Variants in CPNE4 observed in about 807,000 individuals in gnomAD.
CPNE4 encodes the protein copine-4.
Under a neutral mutation model 67.9 loss-of-function variants are expected in CPNE4, and 25 were observed. That is an observed-to-expected ratio of 0.37 (90% CI 0.27 to 0.51). The LOEUF (loss-of-function observed/expected upper bound fraction) is 0.51, where lower values mean the gene tolerates loss of function less well. CPNE4 is among the 20% of genes least tolerant of loss of function. The probability of loss-of-function intolerance (pLI) is 0.93; values close to 1 mark genes in which losing one functional copy is unlikely to be tolerated. For missense variants in CPNE4, 464 were observed against 690.8 expected (o/e 0.67, Z 3.68); for synonymous variants, 242 against 244.9 (o/e 0.99, Z 0.11).
chr3:131,843,997 G>C (rs538929893), intron 2 of CPNE4, among the ~76,000 whole-genome samples: 1 of 152,178 alleles, frequency 6.6e-6, no homozygotes, highest in Non-Finnish European at 1.5e-5. Flanking sequence ...GAAGATGTGG[G>C]AAGCATGGGG....
chr3:131,671,968 C>T (rs1243156014), intron 6 of CPNE4, among the ~76,000 whole-genome samples: 1 of 152,088 alleles, frequency 6.6e-6, no homozygotes, highest in Non-Finnish European at 1.5e-5. Context: ...TCCTCCCCTA[C>T]TACCCTTCGC....
chr3:131,825,506 A>AC (rs2085122525), intron 2 of CPNE4, among the ~76,000 whole-genome samples: 1 of 151,514 alleles, frequency 6.6e-6, no homozygotes, highest in Non-Finnish European at 1.5e-5. Flanking sequence ...AAAAAAAAAA[A>AC]AAACATTGGT....
chr3:132,014,279 T>C (rs1243139919), intron 1 of CPNE4, among the ~76,000 whole-genome samples: 1 of 152,050 alleles, frequency 6.6e-6, no homozygotes, highest in African/African-American at 2.4e-5. Flanking sequence ...TAAGGGGACA[T>C]GGGTAGAACA....
intron 7 of CPNE4, among the ~76,000 whole-genome samples, chr3:131,656,719 T>C (rs1582969653): frequency 1.3e-5 from 2 of 152,174 alleles, no homozygotes; most frequent in Non-Finnish European, 2.9e-5. Flanking sequence ...ACTATAAACA[T>C]GTAAACAAAT....
At chr3:131,834,015 G>T (rs369772708) in intron 2 of CPNE4, among the ~76,000 whole-genome samples, 22 of 152,270 alleles carry the variant, frequency 1.4e-4, no homozygotes, top group African/African-American at 5.1e-4. Context: ...AAAAAATTAA[G>T]CAGGAAAGCA....
In CPNE4 at chr3:131,782,066, G is replaced by C. The variant is rs73875013; in HGVS notation, c.181-58441C>G. Reference sequence around the variant, plus strand: ...AGAAAGTGCTTTGGAATGGTTACATGTATTTTAAAAATACCACTACTTTTA... The same window carrying C: ...AGAAAGTGCTTTGGAATGGTTACATCTATTTTAAAAATACCACTACTTTTA... On this transcript the variant is annotated intron_variant, in intron 2 of 15. Coordinates refer to ENST00000429747, the MANE Select transcript of CPNE4 (RefSeq NM_130808.3). Among the ~76,000 whole-genome samples the C allele has an allele frequency of 6.0e-3, 919 of 152,172 alleles. 8 individuals carry two copies. The highest frequency in any genetic ancestry group is 0.021 in the African/African-American group (888 of 41,530).
chr3:131,608,817 T>G (rs1456975053), intron 7 of CPNE4, among the ~76,000 whole-genome samples: 1 of 152,122 alleles, frequency 6.6e-6, no homozygotes, highest in Non-Finnish European at 1.5e-5. Context: ...TGTAGACCCC[T>G]GATGGTCTCT....
At chr3:131,542,963 T>C (rs529267498) in intron 14 of CPNE4, 170 bp from the exon 15 acceptor site, 35 of 589,976 alleles carry the variant, frequency 5.9e-5, no homozygotes, top group East Asian at 5.6e-4. Context: ...AGGGTTCTGA[T>C]GAATGGAGCT....
rs188834529 is a variant in CPNE4 at position 131,990,330 on chromosome 3, C to T, written c.-2+44237G>A. On this transcript the variant is annotated intron_variant, in intron 1 of 15. Transcript: ENST00000429747. ...TACTAAAAAATTATTGGTTCAAGGA[C>T]TGAGTTGAGTTTTGAGTTCTAGCCA... Among the ~76,000 whole-genome samples the T allele has an allele frequency of 2.0e-3, 273 of 136,460 alleles. 18 individuals are homozygous for T. The highest frequency in any genetic ancestry group is 6.4e-3 in the African/African-American group (260 of 40,818). The allele number at this position is 136,460 out of a possible 152,430, so 89.5% of individuals were successfully genotyped here. A position where few individuals can be genotyped will look rare whatever the true frequency, so the allele number is the denominator to read the frequency against.
In CPNE4 at chr3:131,905,160, TTTC is replaced by T; in HGVS notation, c.180+101_180+103del. 4 of 1,013,250 alleles carry T rather than the reference TTTC, an allele frequency of 3.9e-6. 1 individual carries two copies. In the South Asian group the frequency reaches 5.0e-5, roughly 13 times the overall value. 62.8% of individuals were successfully genotyped at this position (1,013,250 alleles called of 1,614,324 possible). A position where few individuals can be genotyped will look rare whatever the true frequency, so the allele number is the denominator to read the frequency against. ...AATGTGATCATATTCACTTCTCAAA[TTTC>T]TTATTTCATCAAAATAAACCACCTG... is the stretch of plus-strand genomic sequence containing the variant. On this transcript the variant is annotated intron_variant, in intron 2 of 15. Coordinates refer to ENST00000429747, the MANE Select transcript of CPNE4 (RefSeq NM_130808.3).
chr3:131,790,374 G>A (rs546809010), intron 2 of CPNE4, among the ~76,000 whole-genome samples: 16 of 152,228 alleles, frequency 1.1e-4, no homozygotes, highest in African/African-American at 2.2e-4. Context: ...CCCCAGGGGT[G>A]CTTCTTTGTT....
chr3:131,958,467 C>T (rs2072045889), intron 1 of CPNE4, among the ~76,000 whole-genome samples: 1 of 152,134 alleles, frequency 6.6e-6, no homozygotes, highest in Non-Finnish European at 1.5e-5. Context: ...AGCAAGCTCC[C>T]TAGGCGATTC....
At chr3:131,941,876 T>C (rs1253041699) in intron 1 of CPNE4, among the ~76,000 whole-genome samples, 1 of 152,094 alleles carries the variant, frequency 6.6e-6, no homozygotes, top group Non-Finnish European at 1.5e-5. Context: ...TAAAACCTAA[T>C]ACAGGTAAAA....
intron 14 of CPNE4, among the ~76,000 whole-genome samples, chr3:131,549,383 G>A (rs1347024506): frequency 6.6e-6 from 1 of 152,140 alleles, no homozygotes; most frequent in Non-Finnish European, 1.5e-5. Flanking sequence ...AATAAATACA[G>A]AAGTTATTGT....
intron 2 of CPNE4, among the ~76,000 whole-genome samples, chr3:131,889,214 G>A (rs922489408): frequency 6.6e-6 from 1 of 152,144 alleles, no homozygotes; most frequent in Admixed American, 6.5e-5. Flanking sequence ...TCAAATGCAG[G>A]CATAGGGAAG....
Position 131,723,481 on chromosome 3 carries a change from C to T in CPNE4, c.325G>A (p.Asp109Asn), listed in dbSNP as rs751052330. Residue 109 changes from aspartate (D) to asparagine (N), a missense_variant, in exon 3 of 16, where the codon GAC becomes AAC. Physicochemically the swap from Asp to Asn is conservative, Grantham distance 23. Transcript: ENST00000429747. The part of the protein sequence containing the change: ...SSNHNGLKEA[D>N]FLGGMECTLG... ...GTGCACTCCATGCCACCAAGGAAGT[C>T]GGCCTCCTTCAGCCCATTGTGGTTG... The T allele has an allele frequency of 2.9e-5, 46 of 1,613,362 alleles. No homozygotes were observed. Among genetic ancestry groups the T allele is most frequent in the Non-Finnish European group, 3.6e-5 (42 of 1,180,022 alleles).
Position 131,989,691 on chromosome 3 carries a change from A to G in CPNE4, c.-2+44876T>C, listed in dbSNP as rs1010648690. 1.3e-4 allele frequency among the ~76,000 whole-genome samples: 18 copies of G among 137,048 alleles called. 3 individuals are homozygous for G. The South Asian group carries it at 1.8e-3, about 13-fold the overall frequency. 89.9% of individuals were successfully genotyped at this position (137,048 alleles called of 152,430 possible). A position where few individuals can be genotyped will look rare whatever the true frequency, so the allele number is the denominator to read the frequency against. The stretch of plus-strand genomic sequence containing the variant: ...GAGACAAGAAAGCGCTTATTAAAAC[A>G]ATGTAATTTGAGGTGGTGATAGGTG... On this transcript the variant is annotated intron_variant, in intron 1 of 15. Coordinates refer to ENST00000429747, the MANE Select transcript of CPNE4 (RefSeq NM_130808.3).
intron 1 of CPNE4, among the ~76,000 whole-genome samples, chr3:132,009,257 A>G (rs991186280): frequency 1.3e-5 from 2 of 152,190 alleles, no homozygotes; most frequent in Non-Finnish European, 2.9e-5. Context: ...TCTCTTTCCC[A>G]CAAAGCCTTG....
chr3:131,877,773 G>A (rs1345891551), intron 2 of CPNE4, among the ~76,000 whole-genome samples: 1 of 152,156 alleles, frequency 6.6e-6, no homozygotes, highest in Non-Finnish European at 1.5e-5. Context: ...TGCTGAGGTT[G>A]GGGACACATA....
Sources: gnomAD v4.1 joint callset for allele counts (sites outside exome capture counted in the v4.1 genomes callset) on GRCh38, gnomAD v4.1.1 for gene constraint, MANE v1.5 for transcripts, NCBI Gene and HGNC (gene_info 2026-07-23, HGNC 2026-07-21) for gene names.